The following TBCCD1 variants were observed in gnomAD, a reference collection of about 807,000 sequenced individuals.
The protein encoded by TBCCD1 is TBCC domain-containing protein 1.
In TBCCD1, 26 loss-of-function variants were observed where a neutral mutation model predicts 53.4. The observed-to-expected ratio is 0.49, with a 90% CI of 0.36 to 0.68. TBCCD1 has a LOEUF of 0.68. Among genes scored for constraint, TBCCD1 ranks in the 30% least tolerant of loss-of-function variants. The pLI, the probability that TBCCD1 is intolerant of heterozygous loss-of-function variation, is 0.00. For synonymous variants in TBCCD1, 245 were observed against 241.7 expected (o/e 1.01, Z -0.13); for missense variants, 558 against 669.5 (o/e 0.83, Z 1.84).
rs148455051 is a variant in TBCCD1 at position 186,556,700 on chromosome 3, T to C, written c.568A>G (p.Lys190Glu). The C allele has an allele frequency of 3.1e-6, 5 of 1,614,168 alleles. No individual in the cohort carries two copies. The highest frequency in any genetic ancestry group is 2.7e-5 in the African/African-American group (2 of 75,034). The stretch of plus-strand genomic sequence containing the variant: ...GAATGAAATGATGCAGTGAGTTGTT[T>C]TGGATCTAAAAGCAGCTCGAGGAGA... Reference protein sequence around the residue: ...SDLLELLLDPKQLTASFHSTH... With the variant: ...SDLLELLLDPEQLTASFHSTH... The change falls in exon 4 of 8, where the codon AAA becomes GAA. Residue 190 changes from lysine to glutamate, a missense_variant. Lys to Glu is a moderately conservative substitution (Grantham distance 56). Coordinates refer to ENST00000338733, the MANE Select transcript of TBCCD1 (RefSeq NM_018138.5).
chr3:186,569,562 G>A (rs1714948784), upstream of TBCCD1, among the ~76,000 whole-genome samples: 3 of 151,170 alleles, frequency 2.0e-5, no homozygotes, highest in South Asian at 6.3e-4. Flanking sequence ...CAGGTGCTCC[G>A]CCCGTCTCGG....
At chr3:186,570,248 G>C (rs1435003828), upstream of TBCCD1, 2 of 595,556 alleles carry the variant, frequency 3.4e-6, no homozygotes, top group Non-Finnish European at 3.1e-6. Flanking sequence ...CACCTGTCGT[G>C]GAATAACTGT....
In TBCCD1 at chr3:186,546,282, T is replaced by C. The variant is rs1714202037; in HGVS notation, c.*695A>G. ...GTTACAAAGAACTATAAAACTCTTATTTAACTCTAGAAAGAATAAAACTCT... is the reference window on the plus strand; with the variant it reads ...GTTACAAAGAACTATAAAACTCTTACTTAACTCTAGAAAGAATAAAACTCT... On this transcript the variant is annotated 3_prime_UTR_variant, in exon 8 of 8. Coordinates refer to ENST00000338733, the MANE Select transcript of TBCCD1 (RefSeq NM_018138.5). The C allele has an allele frequency of 6.6e-6, 1 of 152,172 alleles. No individual in the cohort carries two copies. Among genetic ancestry groups the C allele is most frequent in the Non-Finnish European group, 1.5e-5 (1 of 68,034 alleles). The allele number at this position is 152,172 out of a possible 1,614,324, so 9.4% of individuals were successfully genotyped here. A position where few individuals can be genotyped will look rare whatever the true frequency, so the allele number is the denominator to read the frequency against.
chr3:186,547,196 C>G (rs958650438), intron 7 of TBCCD1, among the ~76,000 whole-genome samples: 8 of 150,746 alleles, frequency 5.3e-5, no homozygotes, highest in Admixed American at 3.3e-4. Flanking sequence ...GAAGATTAAA[C>G]AAAATTATTT....
chr3:186,558,361 C>T, intron 3 of TBCCD1, 56 bp downstream of exon 3: 1 of 1,552,304 alleles, frequency 6.4e-7, no homozygotes, highest in Non-Finnish European at 8.7e-7. Context: ...TGCAAGTGAA[C>T]CATCTCCCAC....
chr3:186,559,594 A>C (rs1714638397), intron 2 of TBCCD1, among the ~76,000 whole-genome samples: 1 of 152,216 alleles, frequency 6.6e-6, no homozygotes, highest in Non-Finnish European at 1.5e-5. Context: ...CCTGATTCCC[A>C]ACCTGGCTAA....
At chr3:186,562,245 T>G (rs1413306959) in intron 2 of TBCCD1, among the ~76,000 whole-genome samples, 1 of 152,168 alleles carries the variant, frequency 6.6e-6, no homozygotes, top group Non-Finnish European at 1.5e-5. Flanking sequence ...CTCAGGAGGC[T>G]GAGGTGGAAG....
rs1560225350 is a variant in TBCCD1, at chr3:186,554,997, T to C, written c.947A>G (p.Tyr316Cys). 6.2e-7 allele frequency: 1 copy of C among 1,614,034 alleles called. No individual in the cohort carries two copies. Residue 316 changes from tyrosine to cysteine, a missense_variant, in exon 5 of 8, where the codon TAC becomes TGC. Coordinates refer to ENST00000338733, the MANE Select transcript of TBCCD1 (RefSeq NM_018138.5). The part of the protein sequence containing the change: ...MHRLVVMSQV[Y>C]KQTLAKSSDT... ...TGAGCTCTTAGCCAGTGTCTGCTTGTAAACCTGGCTCATCACTACCAGTCG... is the reference window on the plus strand; with the variant it reads ...TGAGCTCTTAGCCAGTGTCTGCTTGCAAACCTGGCTCATCACTACCAGTCG...
chr3:186,547,622 T>C (rs1265592081), intron 7 of TBCCD1, among the ~76,000 whole-genome samples: 2 of 151,280 alleles, frequency 1.3e-5, no homozygotes, highest in Non-Finnish European at 2.9e-5. Flanking sequence ...TTTTTTTTTT[T>C]TTAAGACGGA....
chr3:186,554,230 CTG>C, intron 6 of TBCCD1, 22 bp downstream of exon 6: 1 of 1,607,142 alleles, frequency 6.2e-7, no homozygotes, highest in Non-Finnish European at 8.5e-7. Context: ...AAAACACAAA[CTG>C]TTACTTGTAA....
intron 6 of TBCCD1, 125 bp downstream of exon 6, chr3:186,554,129 T>C: frequency 7.3e-7 from 1 of 1,367,568 alleles, no homozygotes; most frequent in Non-Finnish European, 1.0e-6. Flanking sequence ...ATTATAGGCG[T>C]GAGCCACCGC....
rs181506587 is a variant in TBCCD1, at chr3:186,555,603, G to A, written c.860-519C>T. The stretch of plus-strand genomic sequence containing the variant: ...AGACGGAGTCTCACTCTGTCACTCA[G>A]GCTGGAGTGCAGTGGTGCAATCTCA... On this transcript the variant is annotated intron_variant, in intron 4 of 7. Transcript: ENST00000338733. Among the ~76,000 whole-genome samples, 900 of 152,092 alleles carry A rather than the reference G, an allele frequency of 5.9e-3. 6 individuals carry two copies. The highest frequency in any genetic ancestry group is 0.02 in the African/African-American group (828 of 41,472).
At chr3:186,554,137 C>T (rs1014131755) in intron 6 of TBCCD1, 117 bp downstream of exon 6, 25 of 1,442,268 alleles carry the variant, frequency 1.7e-5, no homozygotes, top group Admixed American at 1.5e-4. Flanking sequence ...CGTGAGCCAC[C>T]GCGCCCAGCC....
chr3:186,558,582 A>G lies in TBCCD1; in HGVS notation c.337-10T>C, dbSNP rs1450508765. Reference sequence around the variant, plus strand: ...GCGTGTCCACTGAAAGCTGTCCAAGAAGAAAATAAAAGATGAATAGACGTT... The same window carrying G: ...GCGTGTCCACTGAAAGCTGTCCAAGGAGAAAATAAAAGATGAATAGACGTT... On this transcript the variant is annotated splice_polypyrimidine_tract_variant and intron_variant, in intron 2 of 7. Coordinates refer to ENST00000338733, the MANE Select transcript of TBCCD1 (RefSeq NM_018138.5). 6.2e-7 allele frequency: 1 copy of G among 1,611,166 alleles called. No individual in the cohort carries two copies. Among genetic ancestry groups the G allele is most frequent in the East Asian group, 2.2e-5 (1 of 44,852 alleles).
chr3:186,548,935 A>G (rs1173229544), intron 7 of TBCCD1, among the ~76,000 whole-genome samples: 1 of 152,222 alleles, frequency 6.6e-6, no homozygotes, highest in Non-Finnish European at 1.5e-5. Context: ...ATGCATATAT[A>G]TTTCAAAACA....
At chr3:186,564,479 A>G (rs1052922249) in intron 1 of TBCCD1, 107 bp from the exon 2 acceptor site, 13 of 680,530 alleles carry the variant, frequency 1.9e-5, no homozygotes, top group African/African-American at 1.8e-4. Context: ...GTACTACATC[A>G]TCATCTTAAA....
intron 7 of TBCCD1, among the ~76,000 whole-genome samples, chr3:186,548,912 T>G (rs1042356780): frequency 5.9e-5 from 9 of 152,238 alleles, no homozygotes; most frequent in African/African-American, 1.7e-4. Context: ...CTAGCTTGAT[T>G]TGGCCATTCC....
chr3:186,558,177 A>G (rs1714594091), intron 3 of TBCCD1, among the ~76,000 whole-genome samples: 2 of 152,218 alleles, frequency 1.3e-5, no homozygotes, highest in Non-Finnish European at 2.9e-5. Context: ...CATAGTGATG[A>G]TCTGCCCACA....
intron 1 of TBCCD1, among the ~76,000 whole-genome samples, chr3:186,565,192 C>T (rs954921164): frequency 2.0e-5 from 3 of 148,238 alleles, no homozygotes; most frequent in African/African-American, 7.6e-5. Flanking sequence ...CTCACTGCAA[C>T]CTCCACCTCC....
Sources: gnomAD v4.1 joint callset for allele counts (sites outside exome capture counted in the v4.1 genomes callset) on GRCh38, gnomAD v4.1.1 for gene constraint, MANE v1.5 for transcripts, NCBI Gene and HGNC (gene_info 2026-07-23, HGNC 2026-07-21) for gene names.